The following GALNT1 variants were observed in gnomAD, a reference collection of about 807,000 sequenced individuals.
The protein encoded by GALNT1 is GalNAc transferase 1.
A neutral mutation model predicts 65.7 loss-of-function variants in GALNT1; 17 were observed. The observed-to-expected ratio is 0.26, with a 90% CI of 0.18 to 0.39. The LOEUF (loss-of-function observed/expected upper bound fraction) is 0.39, where lower values mean the gene tolerates loss of function less well. Among genes scored for constraint, GALNT1 ranks in the 10% least tolerant of loss-of-function variants. GALNT1 has a pLI of 1.00. For missense variants in GALNT1, 460 were observed against 672.8 expected (o/e 0.68, Z 3.50); for synonymous variants, 210 against 219.7 (o/e 0.96, Z 0.39).
At chr18:35,677,212 A>T (rs1369294789) in intron 3 of GALNT1, among the ~76,000 whole-genome samples, 1 of 152,146 alleles carries the variant, frequency 6.6e-6, no homozygotes, top group Admixed American at 6.5e-5. Context: ...TTTTGTTTAG[A>T]TTATTAAACT....
Position 35,711,679 on chromosome 18 carries a change from C to T in GALNT1, c.*1909C>T, listed in dbSNP as rs2048352035. On this transcript the variant is annotated 3_prime_UTR_variant, in exon 12 of 12. Transcript: ENST00000269195. ...GGTCTTATTTCTTACTGTATGAAAG[C>T]TTAACAGCAATGTGATTTAAGGTTT... 6.6e-6 allele frequency: 1 copy of T among 152,150 alleles called. No homozygotes were observed. The highest frequency in any genetic ancestry group is 1.9e-4 in the East Asian group (1 of 5,200). The allele number at this position is 152,150 out of a possible 1,614,324, so 9.4% of individuals were successfully genotyped here. A position where few individuals can be genotyped will look rare whatever the true frequency, so the allele number is the denominator to read the frequency against.
intron 1 of GALNT1, among the ~76,000 whole-genome samples, chr18:35,649,362 A>G (rs1013125287): frequency 3.3e-5 from 5 of 152,326 alleles, no homozygotes; most frequent in African/African-American, 9.6e-5. Flanking sequence ...TAAAGTGACA[A>G]TTCAGACCTT....
chr18:35,632,990 T>A (rs1476513249), intron 1 of GALNT1, among the ~76,000 whole-genome samples: 1 of 152,120 alleles, frequency 6.6e-6, no homozygotes, highest in African/African-American at 2.4e-5. Flanking sequence ...AAAACCACAA[T>A]GAGATAACAT....
intron 1 of GALNT1, among the ~76,000 whole-genome samples, chr18:35,597,978 T>G: frequency 7.5e-6 from 1 of 132,954 alleles, no homozygotes; most frequent in Admixed American, 8.3e-5. Context: ...GAGCAATAGC[T>G]TTTCATCTAA....
At chr18:35,581,201 G>C (rs1283120200), upstream of GALNT1, 1 of 151,960 alleles carries the variant, frequency 6.6e-6, no homozygotes, top group Non-Finnish European at 1.5e-5. Flanking sequence ...TGACCTGCTC[G>C]ACGCGCAACA....
intron 4 of GALNT1, among the ~76,000 whole-genome samples, chr18:35,679,574 A>G (rs1298578964): frequency 6.6e-6 from 1 of 152,076 alleles, no homozygotes; most frequent in African/African-American, 2.4e-5. Context: ...GCTCCACCTG[A>G]GGCTTAGTCT....
chr18:35,686,698 T>C lies in GALNT1; in HGVS notation c.690-318T>C, dbSNP rs113954052. 6.4e-3 allele frequency among the ~76,000 whole-genome samples: 973 copies of C among 152,134 alleles called. 19 individuals carry two copies. Among genetic ancestry groups the C allele is most frequent in the African/African-American group, 0.022 (924 of 41,524 alleles). On this transcript the variant is annotated intron_variant, in intron 5 of 11. Coordinates refer to ENST00000269195, the MANE Select transcript of GALNT1 (RefSeq NM_020474.4). ...TACTTACTGTATATCATAGTTAAAA[T>C]CAGTCCCTTGAAGATTAAAGTCTTA...
chr18:35,582,778 C>A (rs1448717614), intron 1 of GALNT1, among the ~76,000 whole-genome samples: 1 of 152,230 alleles, frequency 6.6e-6, no homozygotes, highest in Non-Finnish European at 1.5e-5. Context: ...TGCAACTTTT[C>A]AGGTCACAAT....
intron 1 of GALNT1, among the ~76,000 whole-genome samples, chr18:35,620,738 A>G (rs139616039): frequency 3.0e-4 from 46 of 151,458 alleles, no homozygotes; most frequent in Non-Finnish European, 5.6e-4. Context: ...TTCCTGCTAT[A>G]TAGTAGTCTA....
intron 1 of GALNT1, among the ~76,000 whole-genome samples, chr18:35,607,205 G>A (rs1276212886): frequency 6.6e-6 from 1 of 152,108 alleles, no homozygotes; most frequent in Non-Finnish European, 1.5e-5. Context: ...ATTATCATTC[G>A]TAGGCAGTTT....
rs1416989327 is a variant in GALNT1 at position 35,629,568 on chromosome 18, A to G, written c.-103-24992A>G. On this transcript the variant is annotated intron_variant, in intron 1 of 11. Coordinates refer to ENST00000269195, the MANE Select transcript of GALNT1 (RefSeq NM_020474.4). ...CCCTACGAGAGCTCCTAAAGGAAACACTAAACATGGAAAGGAAGAACCGGT... is the reference window on the plus strand; with the variant it reads ...CCCTACGAGAGCTCCTAAAGGAAACGCTAAACATGGAAAGGAAGAACCGGT... Among the ~76,000 whole-genome samples the G allele has an allele frequency of 2.6e-5, 4 of 152,202 alleles. No homozygotes were observed. The East Asian group carries it at 7.7e-4, about 29-fold the overall frequency.
chr18:35,664,018 A>G (rs2047511736), intron 3 of GALNT1: 1 of 482,130 alleles, frequency 2.1e-6, no homozygotes, highest in African/African-American at 2.0e-5. Flanking sequence ...GAAGATAATT[A>G]TTTATCTTAA....
intron 1 of GALNT1, among the ~76,000 whole-genome samples, chr18:35,631,996 T>C (rs949341577): frequency 1.7e-4 from 26 of 152,210 alleles, no homozygotes; most frequent in African/African-American, 5.8e-4. Flanking sequence ...TTACAAGGGA[T>C]GTGAAGGACC....
chr18:35,680,559 G>A (rs908621428), intron 4 of GALNT1, among the ~76,000 whole-genome samples: 9 of 152,148 alleles, frequency 5.9e-5, no homozygotes, highest in African/African-American at 2.2e-4. Context: ...ATGTACACTG[G>A]TATATTTAAT....
intron 1 of GALNT1, among the ~76,000 whole-genome samples, chr18:35,638,630 T>C (rs1034779500): frequency 6.6e-6 from 1 of 152,186 alleles, no homozygotes; most frequent in Admixed American, 6.5e-5. Context: ...GCCAAATCCT[T>C]TTCTGAAGCT....
chr18:35,648,203 A>G (rs944866368), intron 1 of GALNT1, among the ~76,000 whole-genome samples: 3 of 152,182 alleles, frequency 2.0e-5, no homozygotes, highest in Non-Finnish European at 2.9e-5. Context: ...GCCCTGACTT[A>G]AGATTTTTTG....
At chr18:35,697,147 A>G (rs2144703664) in intron 9 of GALNT1, among the ~76,000 whole-genome samples, 1 of 152,280 alleles carries the variant, frequency 6.6e-6, no homozygotes, top group Admixed American at 6.5e-5. Flanking sequence ...AAAGAAAACC[A>G]ACGGTTACTG....
chr18:35,704,203 C>T (rs1056288533), intron 11 of GALNT1, among the ~76,000 whole-genome samples: 1 of 152,162 alleles, frequency 6.6e-6, no homozygotes, highest in Non-Finnish European at 1.5e-5. Context: ...TCAACTTGTG[C>T]TTTTGCCAGG....
At chr18:35,698,749 T>C (rs1598811005) in intron 9 of GALNT1, among the ~76,000 whole-genome samples, 1 of 151,432 alleles carries the variant, frequency 6.6e-6, no homozygotes, top group South Asian at 2.1e-4. Context: ...GAGGCCGAGG[T>C]GGGTGGATCA....
Sources: allele counts gnomAD v4.1 joint callset (sites outside exome capture counted in the v4.1 genomes callset), GRCh38; gene constraint gnomAD v4.1.1; transcripts MANE v1.5; gene names NCBI Gene and HGNC (gene_info 2026-07-23, HGNC 2026-07-21).